Variants in TNIK observed in about 807,000 individuals in gnomAD.
TNIK encodes the protein TRAF2 and NCK-interacting protein kinase.
In TNIK, 49 loss-of-function variants were observed where a neutral mutation model predicts 191.3. The observed-to-expected ratio is 0.26, with a 90% CI of 0.20 to 0.32. The LOEUF is 0.32. Ranked by LOEUF, TNIK falls within the 10% of genes least tolerant of loss-of-function variation. TNIK has a pLI of 1.00. For missense variants in TNIK, 1,155 were observed against 1,702.3 expected (o/e 0.68, Z 5.66); for synonymous variants, 594 against 600.9 (o/e 0.99, Z 0.17).
At chr3:171,094,472 A>T (rs960731028) in intron 22 of TNIK, among the ~76,000 whole-genome samples, 22 of 151,998 alleles carry the variant, frequency 1.4e-4, no homozygotes, top group African/African-American at 4.6e-4. Context: ...TGATGTCTGG[A>T]CTGGCCCCAC....
intron 1 of TNIK, among the ~76,000 whole-genome samples, chr3:171,376,198 C>T (rs899228653): frequency 6.6e-6 from 1 of 152,194 alleles, no homozygotes. Context: ...GAACTCTCCA[C>T]ATTTATCTTG....
chr3:171,312,275 T>C (rs1754123355), intron 2 of TNIK, among the ~76,000 whole-genome samples: 1 of 151,962 alleles, frequency 6.6e-6, no homozygotes, highest in Non-Finnish European at 1.5e-5. Context: ...AGATGATCCA[T>C]TTGCGAGCTC....
chr3:171,404,579 C>T (rs543718505), intron 1 of TNIK, among the ~76,000 whole-genome samples: 1 of 152,044 alleles, frequency 6.6e-6, no homozygotes, highest in East Asian at 1.9e-4. Flanking sequence ...AGAATCCCTG[C>T]CAGCCTTCAG....
intron 5 of TNIK, among the ~76,000 whole-genome samples, chr3:171,191,306 G>A (rs1260002163): frequency 6.6e-6 from 1 of 152,206 alleles, no homozygotes; most frequent in African/African-American, 2.4e-5. Context: ...GGAGTGCAAT[G>A]GCGTGGTCTG....
chr3:171,239,364 C>T (rs369917460), intron 2 of TNIK, among the ~76,000 whole-genome samples: 8 of 152,110 alleles, frequency 5.3e-5, no homozygotes, highest in South Asian at 2.1e-4. Flanking sequence ...TTGCTGTAAG[C>T]GATCTGTTTC....
intron 5 of TNIK, among the ~76,000 whole-genome samples, chr3:171,194,249 A>AAATG (rs1738393140): frequency 6.6e-6 from 1 of 152,196 alleles, no homozygotes; most frequent in African/African-American, 2.4e-5. Context: ...ACAGCATTGA[A>AAATG]AATGAATCCC....
intron 2 of TNIK, among the ~76,000 whole-genome samples, chr3:171,230,230 G>A (rs192506046): frequency 2.4e-4 from 36 of 152,300 alleles, no homozygotes; most frequent in East Asian, 5.8e-4. Flanking sequence ...TAGCAACAGC[G>A]TCCTCTTTTG....
At chr3:171,196,988 T>C (rs1398031178) in intron 4 of TNIK, among the ~76,000 whole-genome samples, 7 of 152,184 alleles carry the variant, frequency 4.6e-5, no homozygotes, top group Non-Finnish European at 7.3e-5. Context: ...ATCTCCTGAC[T>C]TTGTGATCCG....
chr3:171,186,005 G>A (rs931830862), intron 7 of TNIK, among the ~76,000 whole-genome samples: 1 of 152,216 alleles, frequency 6.6e-6, no homozygotes, highest in Non-Finnish European at 1.5e-5. Flanking sequence ...ACTGGGCCAA[G>A]TGGACCACCA....
chr3:171,198,840 G>C (rs568106134), intron 4 of TNIK, among the ~76,000 whole-genome samples: 1 of 152,132 alleles, frequency 6.6e-6, no homozygotes, highest in East Asian at 1.9e-4. Context: ...ATATTTTCCC[G>C]AGTGAGCAAA....
At chr3:171,381,178 T>A (rs1277611057) in intron 1 of TNIK, among the ~76,000 whole-genome samples, 1 of 152,204 alleles carries the variant, frequency 6.6e-6, no homozygotes, top group Non-Finnish European at 1.5e-5. Context: ...ATTTATACCA[T>A]CTGTTCAAGG....
At chr3:171,070,770 T>C (rs924386660) in intron 29 of TNIK, among the ~76,000 whole-genome samples, 9 of 152,216 alleles carry the variant, frequency 5.9e-5, no homozygotes, top group African/African-American at 2.2e-4. Flanking sequence ...ACTGGGGACA[T>C]ATAAGCATCA....
intron 22 of TNIK, among the ~76,000 whole-genome samples, chr3:171,098,348 T>G (rs1723008936): frequency 6.6e-6 from 1 of 152,216 alleles, no homozygotes; most frequent in African/African-American, 2.4e-5. Context: ...TAATTGGGGA[T>G]ATACATAAAA....
intron 25 of TNIK, 119 bp downstream of exon 25, chr3:171,084,994 CCTTTT>C (rs1253377631): frequency 3.1e-6 from 2 of 639,810 alleles, no homozygotes; most frequent in Non-Finnish European, 5.0e-6. Flanking sequence ...AAAAAGTCTT[CCTTTT>C]AAGATAGGAC....
chr3:171,137,108 C>A (rs967048928), intron 15 of TNIK, among the ~76,000 whole-genome samples: 1 of 104,158 alleles, frequency 9.6e-6, no homozygotes, highest in Non-Finnish European at 1.8e-5. Flanking sequence ...TTTAAAAATC[C>A]TTTTTTTTTT....
intron 12 of TNIK, 119 bp downstream of exon 12, chr3:171,157,341 C>T: frequency 1.6e-6 from 2 of 1,251,132 alleles, no homozygotes; most frequent in Non-Finnish European, 2.2e-6. Flanking sequence ...TTGCAGTCAA[C>T]CCCTTTGTGC....
At chr3:171,398,440 A>G (rs906509607) in intron 1 of TNIK, among the ~76,000 whole-genome samples, 2 of 152,234 alleles carry the variant, frequency 1.3e-5, no homozygotes, top group South Asian at 2.1e-4. Context: ...CATATCTTCT[A>G]TTTAGTACCT....
intron 29 of TNIK, 44 bp from the exon 30 acceptor site, chr3:171,069,041 A>G: frequency 6.4e-7 from 1 of 1,565,530 alleles, no homozygotes; most frequent in East Asian, 2.3e-5. Flanking sequence ...TCAAAGAGGC[A>G]TCTTAATTTT....
intron 2 of TNIK, among the ~76,000 whole-genome samples, chr3:171,231,317 GTTT>G (rs569192908): frequency 2.6e-4 from 37 of 139,958 alleles, no homozygotes; most frequent in African/African-American, 6.1e-4. Flanking sequence ...TTGTTGTTTT[GTTT>G]TTTTTTTTGT....
Sources: allele counts gnomAD v4.1 joint callset (sites outside exome capture counted in the v4.1 genomes callset), GRCh38; gene constraint gnomAD v4.1.1; transcripts MANE v1.5; gene names NCBI Gene and HGNC (gene_info 2026-07-23, HGNC 2026-07-21).